The following RAP1A variants were observed in gnomAD, a reference collection of about 807,000 sequenced individuals.
RAP1A encodes ras-related protein Rap-1A.
RAP1A carries 6 observed loss-of-function variants against 26.4 expected under a neutral mutation model. The ratio of observed to expected loss-of-function variants is 0.23; its 90% CI spans 0.12 to 0.45. The LOEUF is 0.45. Among genes scored for constraint, RAP1A ranks in the 20% least tolerant of loss-of-function variants. The pLI is 0.99. For synonymous variants in RAP1A, 73 were observed against 79.4 expected (o/e 0.92, Z 0.43); for missense variants, 121 against 217.2 (o/e 0.56, Z 2.78).
chr1:111,557,925 T>A (rs1403062335), intron 1 of RAP1A, among the ~76,000 whole-genome samples: 1 of 152,184 alleles, frequency 6.6e-6, no homozygotes, highest in Admixed American at 6.5e-5. Context: ...CTTTAGCCTG[T>A]ATTAAGAAAA....
At chr1:111,688,944 C>G (rs1043223458) in intron 1 of RAP1A, among the ~76,000 whole-genome samples, 1 of 151,534 alleles carries the variant, frequency 6.6e-6, no homozygotes, top group Non-Finnish European at 1.5e-5. Flanking sequence ...AAGGGGTTCT[C>G]CTACCTCAGC....
At chr1:111,633,907 C>G (rs1659647750) in intron 1 of RAP1A, among the ~76,000 whole-genome samples, 1 of 152,226 alleles carries the variant, frequency 6.6e-6, no homozygotes, top group South Asian at 2.1e-4. Context: ...TGTGTCACCA[C>G]TCAGTGCCAT....
chr1:111,598,860 C>T (rs753381649), intron 1 of RAP1A, among the ~76,000 whole-genome samples: 10 of 152,196 alleles, frequency 6.6e-5, no homozygotes, highest in African/African-American at 1.4e-4. Flanking sequence ...TACTTCCTAC[C>T]AGTCGCAAGT....
intron 1 of RAP1A, among the ~76,000 whole-genome samples, chr1:111,545,671 T>A (rs569856739): frequency 1.3e-5 from 2 of 152,292 alleles, no homozygotes; most frequent in Admixed American, 6.5e-5. Context: ...TTGTGCTTTT[T>A]GTGTCATATT....
At chr1:111,686,402 A>G (rs142590982) in intron 1 of RAP1A, 43 of 152,234 alleles carry the variant, frequency 2.8e-4, no homozygotes, top group African/African-American at 1.0e-3. Context: ...CTCTTTCATT[A>G]TGTTGCGCAG....
intron 1 of RAP1A, among the ~76,000 whole-genome samples, chr1:111,549,581 C>T (rs903834286): frequency 4.7e-5 from 7 of 147,476 alleles, no homozygotes; most frequent in Non-Finnish European, 7.4e-5. Context: ...ACTGAGGAGG[C>T]GGAGGTTGTG....
chr1:111,655,652 C>T (rs924669054), intron 1 of RAP1A, among the ~76,000 whole-genome samples: 1 of 128,450 alleles, frequency 7.8e-6, no homozygotes, highest in South Asian at 2.7e-4. Flanking sequence ...TAAAAATGTT[C>T]ATAGTCTTTT....
chr1:111,573,473 T>C (rs1017171054), intron 1 of RAP1A, among the ~76,000 whole-genome samples: 1 of 152,220 alleles, frequency 6.6e-6, no homozygotes, highest in Non-Finnish European at 1.5e-5. Flanking sequence ...TAGCTGGGAC[T>C]ACAGGGATGC....
intron 1 of RAP1A, among the ~76,000 whole-genome samples, chr1:111,638,127 A>C (rs1211077762): frequency 6.6e-6 from 1 of 151,988 alleles, no homozygotes; most frequent in Non-Finnish European, 1.5e-5. Flanking sequence ...CTCTTAAAAA[A>C]GAAAAATATA....
At chr1:111,598,865 G>C (rs1037549739) in intron 1 of RAP1A, among the ~76,000 whole-genome samples, 5 of 152,108 alleles carry the variant, frequency 3.3e-5, no homozygotes, top group African/African-American at 4.8e-5. Flanking sequence ...CCTACCAGTC[G>C]CAAGTCTGGG....
At chr1:111,598,736 A>G (rs1417209548) in intron 1 of RAP1A, among the ~76,000 whole-genome samples, 1 of 152,128 alleles carries the variant, frequency 6.6e-6, no homozygotes, top group African/African-American at 2.4e-5. Flanking sequence ...CAAGCAAGCG[A>G]GCAGTTCTGC....
intron 1 of RAP1A, among the ~76,000 whole-genome samples, chr1:111,558,367 T>A (rs1016119940): frequency 1.4e-5 from 2 of 145,476 alleles, no homozygotes; most frequent in African/African-American, 5.2e-5. Context: ...TTTTTTTTTG[T>A]CTTAAGACAG....
At chr1:111,644,399 A>G (rs1660001628) in intron 1 of RAP1A, among the ~76,000 whole-genome samples, 1 of 152,160 alleles carries the variant, frequency 6.6e-6, no homozygotes, top group Non-Finnish European at 1.5e-5. Context: ...AGTCATAAAA[A>G]ATCAGCTCTA....
chr1:111,688,319 C>CT (rs1661557810), intron 1 of RAP1A, among the ~76,000 whole-genome samples: 1 of 115,934 alleles, frequency 8.6e-6, no homozygotes, highest in Admixed American at 8.8e-5. Flanking sequence ...TTTTTTCTTT[C>CT]TTTCTTTTTT....
intron 1 of RAP1A, among the ~76,000 whole-genome samples, chr1:111,564,114 C>T (rs924865845): frequency 6.6e-6 from 1 of 152,202 alleles, no homozygotes; most frequent in African/African-American, 2.4e-5. Context: ...TCATGACTAT[C>T]TTTTTACTCC....
chr1:111,606,809 C>T (rs1276069846), intron 1 of RAP1A, among the ~76,000 whole-genome samples: 2 of 152,156 alleles, frequency 1.3e-5, no homozygotes, highest in Non-Finnish European at 1.5e-5. Context: ...GTGAGTTTTC[C>T]TTTTTAGGCA....
intron 1 of RAP1A, among the ~76,000 whole-genome samples, chr1:111,673,238 G>A (rs574734858): frequency 2.8e-4 from 43 of 152,292 alleles, no homozygotes; most frequent in Non-Finnish European, 5.6e-4. Flanking sequence ...TGAGTTGCCA[G>A]TTTTAAATAT....
At chr1:111,667,891 A>C (rs939154611) in intron 1 of RAP1A, among the ~76,000 whole-genome samples, 1 of 152,198 alleles carries the variant, frequency 6.6e-6, no homozygotes, top group Admixed American at 6.5e-5. Flanking sequence ...GATGGCACCT[A>C]CTGAACCAGC....
At chr1:111,650,093 C>CT (rs57681662) in intron 1 of RAP1A, among the ~76,000 whole-genome samples, 1,532 of 75,850 alleles carry the variant, frequency 0.02, 24 homozygotes, top group South Asian at 0.029. Flanking sequence ...TGGTAGAGTG[C>CT]TTTTTTTTTT....
Sources: allele counts gnomAD v4.1 joint callset (sites outside exome capture counted in the v4.1 genomes callset), GRCh38; gene constraint gnomAD v4.1.1; transcripts MANE v1.5; gene names NCBI Gene and HGNC (gene_info 2026-07-23, HGNC 2026-07-21).